KCNMA1: variants seen among roughly 807,000 people sequenced by gnomAD.
The protein encoded by KCNMA1 is Calcium-activated potassium channel subunit alpha-1.
A neutral mutation model predicts 140.0 loss-of-function variants in KCNMA1; 29 were observed. That is an observed-to-expected ratio of 0.21 (90% confidence interval 0.15 to 0.28). KCNMA1 has a LOEUF of 0.28. Among genes scored for constraint, KCNMA1 ranks in the 10% least tolerant of loss-of-function variants. The pLI is 1.00. For synonymous variants in KCNMA1, 612 were observed against 611.9 expected, an observed-to-expected ratio of 1.00 and a Z score of 0.00; for missense variants, 880 against 1,602.2, an observed-to-expected ratio of 0.55 and a Z score of 7.70.
At chr10:76,987,755 G>A (rs1286342564) in intron 19 of KCNMA1, among the ~76,000 whole-genome samples, 2 of 152,182 alleles carry the variant, frequency 1.3e-5, no homozygotes, top group East Asian at 3.9e-4. Context: ...TTAGATGATG[G>A]ATGCTTATGT....
At chr10:76,899,443 A>C (rs967066809) in intron 25 of KCNMA1, among the ~76,000 whole-genome samples, 6 of 152,178 alleles carry the variant, frequency 3.9e-5, no homozygotes, top group African/African-American at 1.4e-4. Context: ...TAAGACCTTA[A>C]TACAAAAGTT....
chr10:77,552,063 T>A (rs770807741), intron 1 of KCNMA1, among the ~76,000 whole-genome samples: 2 of 152,110 alleles, frequency 1.3e-5, no homozygotes, highest in African/African-American at 2.4e-5. Flanking sequence ...AATCTGCAAT[T>A]TCCAGGCATT....
intron 13 of KCNMA1, among the ~76,000 whole-genome samples, chr10:77,076,626 A>G (rs2096406161): frequency 1.3e-5 from 2 of 152,192 alleles, no homozygotes; most frequent in Admixed American, 1.3e-4. Flanking sequence ...TGCGCTGTCT[A>G]TACAGAGCTT....
rs35626401 is a variant in KCNMA1, at chr10:77,580,380, CAAA to C, written c.378+56882_378+56884del. 1.5e-4 allele frequency among the ~76,000 whole-genome samples: 14 copies of C among 95,474 alleles called. No homozygotes were observed. The South Asian group carries it at 1.7e-3, about 12-fold the overall frequency. The allele number at this position is 95,474 out of a possible 152,430, so 62.6% of individuals were successfully genotyped here. ...TGGACAACAGAGGGAGACTCCATCT[CAAA>C]AAAAAAAAAAAAAAGAAATGTCTTT... On this transcript the variant is annotated intron_variant, in intron 1 of 27. Coordinates refer to ENST00000286628, the MANE Select transcript of KCNMA1 (RefSeq NM_001161352.2).
At chr10:77,593,641 A>G (rs2079908008) in intron 1 of KCNMA1, among the ~76,000 whole-genome samples, 1 of 152,230 alleles carries the variant, frequency 6.6e-6, no homozygotes, top group African/African-American at 2.4e-5. Context: ...AAGTGGTAGG[A>G]AAAATGTTAT....
chr10:77,331,361 CAT>C (rs1392348722), intron 2 of KCNMA1, among the ~76,000 whole-genome samples: 1 of 152,158 alleles, frequency 6.6e-6, no homozygotes, highest in Non-Finnish European at 1.5e-5. Context: ...GTCAGTGAAA[CAT>C]ATGAATTTCC....
At chr10:77,263,483 G>A (rs980581787) in intron 2 of KCNMA1, among the ~76,000 whole-genome samples, 6 of 152,098 alleles carry the variant, frequency 3.9e-5, no homozygotes, top group African/African-American at 1.4e-4. Flanking sequence ...AGGGCATCTG[G>A]TCCCTAAGAC....
At chr10:77,441,548 C>A (rs977219755) in intron 1 of KCNMA1, among the ~76,000 whole-genome samples, 3 of 152,062 alleles carry the variant, frequency 2.0e-5, no homozygotes, top group Non-Finnish European at 4.4e-5. Flanking sequence ...TAAATATGAT[C>A]CAAAGTCCCC....
intron 19 of KCNMA1, among the ~76,000 whole-genome samples, chr10:76,983,095 C>T (rs1219126918): frequency 6.6e-6 from 1 of 152,164 alleles, no homozygotes; most frequent in Non-Finnish European, 1.5e-5. Flanking sequence ...GAAGGAAACC[C>T]GTCAGGGTTT....
intron 10 of KCNMA1, 99 bp from the exon 11 acceptor site, chr10:77,086,692 G>GAAATT: frequency 1.2e-6 from 1 of 820,322 alleles, no homozygotes; most frequent in Non-Finnish European, 2.1e-6. Flanking sequence ...GAGCCCTGGG[G>GAAATT]AGAGGCTGTG....
intron 2 of KCNMA1, among the ~76,000 whole-genome samples, chr10:77,383,713 T>A (rs1204820389): frequency 1.3e-5 from 2 of 152,208 alleles, no homozygotes; most frequent in Non-Finnish European, 2.9e-5. Context: ...ACAGCATTGT[T>A]GCTTTTTTAG....
chr10:77,027,318 A>C (rs1351987853), intron 16 of KCNMA1, among the ~76,000 whole-genome samples: 1 of 152,190 alleles, frequency 6.6e-6, no homozygotes, highest in African/African-American at 2.4e-5. Context: ...GCTCATTTAC[A>C]TGAAGCTGAT....
intron 1 of KCNMA1, among the ~76,000 whole-genome samples, chr10:77,439,150 A>AGAAGAGAAG (rs1566858870): frequency 4.7e-4 from 30 of 64,308 alleles, no homozygotes; most frequent in African/African-American, 1.4e-3. Flanking sequence ...GAGAAGAGAA[A>AGAAGAGAAG]AGAGAAGAGA....
In KCNMA1 at chr10:77,022,903, T is replaced by C. The variant is rs191288869; in HGVS notation, c.1929-3804A>G. On this transcript the variant is annotated intron_variant, in intron 16 of 27. Coordinates refer to ENST00000286628, the MANE Select transcript of KCNMA1 (RefSeq NM_001161352.2). ...ATCTCTCAGATGTGTTAAGTATGAA[T>C]ATGTAAATATCCCAATATGTAAACA... 3 of 454,520 alleles carry C rather than the reference T, an allele frequency of 6.6e-6. No individual in the cohort carries two copies. In the East Asian group the frequency reaches 2.1e-4, roughly 32 times the overall value. The allele number at this position is 454,520 out of a possible 1,614,324, so 28.2% of individuals were successfully genotyped here.
At chr10:77,346,608 C>T (rs972989578) in intron 2 of KCNMA1, among the ~76,000 whole-genome samples, 4 of 152,164 alleles carry the variant, frequency 2.6e-5, no homozygotes, top group Non-Finnish European at 5.9e-5. Flanking sequence ...TGGGTACCTC[C>T]TCATTGTGTC....
chr10:76,910,426 T>C, intron 24 of KCNMA1: 1 of 349,996 alleles, frequency 2.9e-6, no homozygotes, highest in Non-Finnish European at 5.6e-6. Flanking sequence ...CAGTGTTTTT[T>C]GGTAACCAAG....
chr10:76,945,854 A>G (rs2063796053), intron 22 of KCNMA1, among the ~76,000 whole-genome samples: 1 of 152,140 alleles, frequency 6.6e-6, no homozygotes, highest in Non-Finnish European at 1.5e-5. Flanking sequence ...AAATGTATGT[A>G]AATTTGGAAG....
chr10:77,376,535 A>G (rs1399265236), intron 2 of KCNMA1: 2 of 149,256 alleles, frequency 1.3e-5, no homozygotes, highest in South Asian at 2.1e-4. Flanking sequence ...AACTCCTACC[A>G]ATATCAGAAG....
chr10:77,218,328 C>T (rs1241955057), intron 3 of KCNMA1, among the ~76,000 whole-genome samples: 1 of 152,174 alleles, frequency 6.6e-6, no homozygotes, highest in Non-Finnish European at 1.5e-5. Flanking sequence ...TAAAACCATA[C>T]AGGTTTTAAA....
Sources: gnomAD v4.1 joint callset for allele counts (sites outside exome capture counted in the v4.1 genomes callset) on GRCh38, gnomAD v4.1.1 for gene constraint, MANE v1.5 for transcripts, NCBI Gene and HGNC (gene_info 2026-07-23, HGNC 2026-07-21) for gene names.